The following FAM120A variants were observed in gnomAD, a reference collection of about 807,000 sequenced individuals.
The protein encoded by FAM120A is family with sequence similarity 120 member A.
Under a neutral mutation model 109.7 loss-of-function variants are expected in FAM120A, and 15 were observed. The ratio of observed to expected loss-of-function variants is 0.14; its 90% CI spans 0.09 to 0.21. The LOEUF is 0.21. Among genes scored for constraint, FAM120A ranks in the 10% least tolerant of loss-of-function variants. FAM120A has a pLI of 1.00. For synonymous variants in FAM120A, 493 were observed against 572.8 expected, an observed-to-expected ratio of 0.86 and a Z score of 1.99; for missense variants, 899 against 1,439.3, an observed-to-expected ratio of 0.62 and a Z score of 6.07.
intron 1 of FAM120A, among the ~76,000 whole-genome samples, chr9:93,460,622 A>G (rs1196225790): frequency 1.3e-5 from 2 of 152,240 alleles, no homozygotes; most frequent in Admixed American, 6.5e-5. Flanking sequence ...GGCATTAGCC[A>G]CTATGCCTGG....
intron 7 of FAM120A, among the ~76,000 whole-genome samples, chr9:93,521,886 A>G (rs899919307): frequency 3.3e-5 from 5 of 152,176 alleles, no homozygotes; most frequent in Admixed American, 3.3e-4. Context: ...TCAGAAGTTC[A>G]AGACCAACAT....
chr9:93,534,866 A>T (rs568933364), intron 10 of FAM120A, among the ~76,000 whole-genome samples: 1 of 152,290 alleles, frequency 6.6e-6, no homozygotes, highest in South Asian at 2.1e-4. Context: ...GGGGGTAAGG[A>T]TACCTCAGAT....
chr9:93,491,320 A>T (rs113579754), intron 3 of FAM120A, among the ~76,000 whole-genome samples: 1 of 152,186 alleles, frequency 6.6e-6, no homozygotes, highest in Non-Finnish European at 1.5e-5. Context: ...ACCACCGCTC[A>T]TGGATTGTGA....
chr9:93,556,617 C>A, intron 13 of FAM120A, 26 bp downstream of exon 13: 2 of 1,595,330 alleles, frequency 1.3e-6, no homozygotes. Context: ...GGGTGGCTGC[C>A]TTTAACTGCA....
intron 10 of FAM120A, among the ~76,000 whole-genome samples, chr9:93,534,079 G>A (rs778657105): frequency 1.6e-4 from 25 of 152,108 alleles, no homozygotes; most frequent in Non-Finnish European, 1.9e-4. Context: ...TCTTGACCTC[G>A]TGCCTGCTGC....
At chr9:93,458,907 G>A (rs969886093) in intron 1 of FAM120A, among the ~76,000 whole-genome samples, 4 of 152,096 alleles carry the variant, frequency 2.6e-5, no homozygotes. Flanking sequence ...ACCTTCCTGC[G>A]ACCTGAACTC....
intron 1 of FAM120A, among the ~76,000 whole-genome samples, chr9:93,454,283 G>T (rs1857447497): frequency 6.6e-6 from 1 of 152,182 alleles, no homozygotes; most frequent in South Asian, 2.1e-4. Flanking sequence ...AATGAATATT[G>T]TAATAACTCA....
chr9:93,467,046 C>T lies in FAM120A; in HGVS notation c.475-4095C>T, dbSNP rs184112870. On this transcript the variant is annotated intron_variant, in intron 1 of 17. Transcript: ENST00000277165. The stretch of plus-strand genomic sequence containing the variant: ...AATACAATTTTATAGATTTGTCAGT[C>T]TGCATTCTATCCTGGCATCCCCTGA... Among the ~76,000 whole-genome samples the T allele has an allele frequency of 1.6e-3, 248 of 152,248 alleles. 2 individuals carry two copies. Among genetic ancestry groups the T allele is most frequent in the Admixed American group, 1.9e-3 (29 of 15,294 alleles).
At chr9:93,496,638 T>C (rs1419866359) in intron 3 of FAM120A, among the ~76,000 whole-genome samples, 1 of 152,212 alleles carries the variant, frequency 6.6e-6, no homozygotes, top group Admixed American at 6.5e-5. Flanking sequence ...TGGGCTTGTC[T>C]GGGTAATCCA....
Position 93,537,623 on chromosome 9 carries a change from C to A in FAM120A, c.1909+5294C>A, listed in dbSNP as rs565692637. On this transcript the variant is annotated intron_variant, in intron 10 of 17. Transcript: ENST00000277165. The stretch of plus-strand genomic sequence containing the variant: ...AGTACTATTTTTATGAAAGATTTTC[C>A]TATATTGATTCCTGTATTTTTAAAC... Among the ~76,000 whole-genome samples the A allele has an allele frequency of 1.2e-3, 178 of 151,742 alleles. No individual in the cohort carries two copies. In the Middle Eastern group the frequency reaches 0.014, roughly 12 times the overall value.
intron 7 of FAM120A, among the ~76,000 whole-genome samples, chr9:93,519,756 A>G (rs1860764397): frequency 6.6e-6 from 1 of 152,202 alleles, no homozygotes. Flanking sequence ...ACAATGAATC[A>G]GTGGCACTCT....
Position 93,471,381 on chromosome 9 carries a change from C to T in FAM120A, c.715C>T (p.Leu239Phe). ...AAATCGTTTTCCTATTTTTGCTGCT[C>T]TCTTAGGTAGGTGGAGCAGTGTGAA... ...NPNRFPIFAALLGNHILPDED... is the reference protein window; with the variant it reads ...NPNRFPIFAAFLGNHILPDED... The change falls in exon 2 of 18, where the codon CTC (leucine) becomes TTC (phenylalanine). Residue 239 changes from leucine to phenylalanine, a missense_variant. Transcript: ENST00000277165. 6.2e-7 allele frequency: 1 copy of T among 1,614,154 alleles called. No individual in the cohort carries two copies. Among genetic ancestry groups the T allele is most frequent in the Non-Finnish European group, 8.5e-7 (1 of 1,180,018 alleles).
intron 3 of FAM120A, among the ~76,000 whole-genome samples, chr9:93,478,682 T>C (rs1858656970): frequency 6.6e-6 from 1 of 152,106 alleles, no homozygotes; most frequent in Admixed American, 6.5e-5. Flanking sequence ...CACCATGTTG[T>C]CCATATTCGT....
intron 3 of FAM120A, among the ~76,000 whole-genome samples, chr9:93,482,564 T>C (rs1858867125): frequency 1.3e-5 from 2 of 151,736 alleles, no homozygotes; most frequent in African/African-American, 2.4e-5. Context: ...CCAGAAGTCA[T>C]TGAGTGGTAC....
In FAM120A at chr9:93,452,011, G is replaced by T; in HGVS notation, c.96G>T (p.Val32=). The change falls in exon 1 of 18, where the codon GTG becomes GTT. Residue 32 remains valine, a synonymous_variant. Coordinates refer to ENST00000277165, the MANE Select transcript of FAM120A (RefSeq NM_014612.5). The surrounding 1 kb of genome is among the most constrained non-coding windows in gnomAD (Gnocchi z 7.0). ...ELQKLARGSL[V]GGGRQRPPQT... ...AGAAGCTGGCCCGGGGCAGCCTGGTGGGCGGCGGGCGGCAGCGGCCCCCGC... is the reference window on the plus strand; with the variant it reads ...AGAAGCTGGCCCGGGGCAGCCTGGTTGGCGGCGGGCGGCAGCGGCCCCCGC... The T allele has an allele frequency of 6.4e-7, 1 of 1,555,452 alleles. No individual in the cohort carries two copies. The highest frequency in any genetic ancestry group is 8.7e-7 in the Non-Finnish European group (1 of 1,150,934).
At position 93,532,359 on chromosome 9, in the gene FAM120A, T is replaced by A. The variant is rs1335917823; in HGVS notation, c.1909+30T>A. The A allele has an allele frequency of 1.9e-6, 3 of 1,610,328 alleles. No homozygotes were observed. In the South Asian group the frequency reaches 3.3e-5, roughly 18 times the overall value. On this transcript the variant is annotated intron_variant, in intron 10 of 17. Transcript: ENST00000277165. The surrounding 1 kb of genome is among the most constrained non-coding windows in gnomAD (Gnocchi z 4.3). Reference sequence around the variant, plus strand: ...GTACTGTAACAATCCATTGTTTGTTTTCCTCGGTACCTCGTAATCTCTTGT... The same window carrying A: ...GTACTGTAACAATCCATTGTTTGTTATCCTCGGTACCTCGTAATCTCTTGT...
intron 1 of FAM120A, among the ~76,000 whole-genome samples, chr9:93,465,026 T>A (rs1564308326): frequency 6.6e-6 from 1 of 151,374 alleles, no homozygotes; most frequent in Non-Finnish European, 1.5e-5. Flanking sequence ...TAAATAAGAG[T>A]GAGAGAGTAG....
At chr9:93,534,773 TTAG>T (rs1861453614) in intron 10 of FAM120A, among the ~76,000 whole-genome samples, 2 of 152,132 alleles carry the variant, frequency 1.3e-5, no homozygotes, top group African/African-American at 2.4e-5. Flanking sequence ...AGAGTTTGTA[TTAG>T]TAGACTTAGG....
In FAM120A at chr9:93,564,493, C is replaced by T. The variant is rs1472733626; in HGVS notation, c.3310C>T (p.Arg1104Cys). 10 of 1,613,300 alleles carry T rather than the reference C, an allele frequency of 6.2e-6. No individual in the cohort carries two copies. The highest frequency in any genetic ancestry group is 7.6e-6 in the Non-Finnish European group (9 of 1,179,402). The change falls in exon 18 of 18, where the codon CGC (arginine) becomes TGC (cysteine). Residue 1104 changes from arginine to cysteine, a missense_variant. Transcript: ENST00000277165. Reference sequence around the variant, plus strand: ...TGCACTAAGTACAGACAGCGCTTGCCGCAGAGAAGCTGCTCTGGAGGCAGC... The same window carrying T: ...TGCACTAAGTACAGACAGCGCTTGCTGCAGAGAAGCTGCTCTGGAGGCAGC... ...LNALSTDSAC[R>C]REAALEAAVL...
Sources: allele counts gnomAD v4.1 joint callset (sites outside exome capture counted in the v4.1 genomes callset), GRCh38; gene constraint gnomAD v4.1.1; non-coding constraint Gnocchi (gnomAD v3.1); transcripts MANE v1.5; gene names NCBI Gene and HGNC (gene_info 2026-07-23, HGNC 2026-07-21).